The following SIRT3 variants were observed in gnomAD, a reference collection of about 807,000 sequenced individuals.
SIRT3 encodes the protein sirtuin 3.
In SIRT3, 26 loss-of-function variants were observed where a neutral mutation model predicts 33.5. The observed-to-expected ratio is 0.78, with a 90% confidence interval of 0.57 to 1.08. The LOEUF is 1.08. Ranked by LOEUF, SIRT3 falls within the 50% of genes least tolerant of loss-of-function variation. The pLI is 0.00. For missense variants in SIRT3, 585 were observed against 530.1 expected (o/e 1.10, Z -1.02); for synonymous variants, 237 against 222.1 (o/e 1.07, Z -0.60).
At chr11:224,056 C>T (rs761925596) in intron 5 of SIRT3, 22 bp downstream of exon 5, 1 of 1,612,326 alleles carries the variant, frequency 6.2e-7, no homozygotes, top group Admixed American at 1.7e-5. Flanking sequence ...AGCCTCCTCC[C>T]TGCACAGGCC....
rs201651346 is a variant in SIRT3 at position 233,189 on chromosome 11, T to A, written c.500A>T (p.Asn167Ile). ...FRSPGSGLYS[N>I]LQQYDLPYPE... is the part of the protein sequence containing the mutation. Reference sequence around the variant, plus strand: ...GTACGGGAGATCGTACTGCTGGAGGTTGCTGTACAGGCCACTCCCCGGCGA... The same window carrying A: ...GTACGGGAGATCGTACTGCTGGAGGATGCTGTACAGGCCACTCCCCGGCGA... The change falls in exon 3 of 7, where the codon AAC becomes ATC. Residue 167 changes from asparagine to isoleucine, a missense_variant. Physicochemically the swap from Asn to Ile is moderately radical, Grantham distance 149 (BLOSUM62 -3). Coordinates refer to ENST00000382743, the MANE Select transcript of SIRT3 (RefSeq NM_012239.6). 1.2e-5 allele frequency: 20 copies of A among 1,613,562 alleles called. No homozygotes were observed. The highest frequency in any genetic ancestry group is 1.6e-5 in the Non-Finnish European group (19 of 1,179,900).
At chr11:235,943 C>T in intron 1 of SIRT3, 105 bp downstream of exon 1, 1 of 1,298,458 alleles carries the variant, frequency 7.7e-7, no homozygotes, top group Non-Finnish European at 1.0e-6. Context: ...TTGGAACGCA[C>T]GTAAACTCCC....
intron 6 of SIRT3, 36 bp downstream of exon 6, chr11:218,796 G>T (rs1399565628): frequency 6.2e-7 from 1 of 1,613,964 alleles, no homozygotes; most frequent in Admixed American, 1.7e-5. Flanking sequence ...AGTGAGAAGG[G>T]CAGCCCCTTG....
chr11:221,264 A>C (rs1856406236), intron 5 of SIRT3, among the ~76,000 whole-genome samples: 1 of 152,242 alleles, frequency 6.6e-6, no homozygotes, highest in Admixed American at 6.5e-5. Flanking sequence ...AACTACACAG[A>C]CCATGCCTGG....
chr11:227,061 A>C (rs1273303558), intron 4 of SIRT3, among the ~76,000 whole-genome samples: 1 of 151,896 alleles, frequency 6.6e-6, no homozygotes, highest in African/African-American at 2.4e-5. Context: ...TGGCCTACAA[A>C]TTTTAAGCAG....
chr11:226,484 C>T (rs1191990532), intron 4 of SIRT3, among the ~76,000 whole-genome samples: 1 of 152,146 alleles, frequency 6.6e-6, no homozygotes, highest in Non-Finnish European at 1.5e-5. Context: ...TCTCGGTTCA[C>T]TACAACTTCT....
At position 226,748 on chromosome 11, in the gene SIRT3, A is replaced by ATTTTTTTTTTTT. The variant is rs1338857472; in HGVS notation, c.808-2510_808-2509insAAAAAAAAAAAA. On this transcript the variant is annotated intron_variant, in intron 4 of 6. Transcript: ENST00000382743. ...TTTTTCTTAAGGAAGGCCTACAATT[A>ATTTTTTTTTTTT]TTATTATTATTTTTTTTTTTTTGAG... 2.4e-5 allele frequency among the ~76,000 whole-genome samples: 2 copies of ATTTTTTTTTTTT among 84,622 alleles called. 1 individual carries two copies. The allele number at this position is 84,622 out of a possible 152,430, so 55.5% of individuals were successfully genotyped here.
chr11:235,489 G>A (rs923396922), intron 1 of SIRT3, among the ~76,000 whole-genome samples: 4 of 152,210 alleles, frequency 2.6e-5, no homozygotes, highest in African/African-American at 9.6e-5. Context: ...ACAAGTGTGA[G>A]CTACCACTTC....
At chr11:225,273 G>T (rs1004708262) in intron 4 of SIRT3, among the ~76,000 whole-genome samples, 1 of 152,058 alleles carries the variant, frequency 6.6e-6, no homozygotes, top group Non-Finnish European at 1.5e-5. Flanking sequence ...TTAGCCAGGC[G>T]TGGTGATGCG....
intron 3 of SIRT3, among the ~76,000 whole-genome samples, chr11:232,120 T>G (rs1858125638): frequency 1.3e-5 from 2 of 151,944 alleles, no homozygotes; most frequent in Non-Finnish European, 2.9e-5. Flanking sequence ...TTATTTTTAT[T>G]TTTATTTATT....
rs370416759 is a variant in SIRT3 at position 226,787 on chromosome 11, CTT to C, written c.808-2550_808-2549del. ...TTTTTTTTTGAGATGGAGTTTCGCT[CTT>C]GTTTCCCAGGCTGGAGTGCAATGGC... On this transcript the variant is annotated intron_variant, in intron 4 of 6. Transcript: ENST00000382743. Among the ~76,000 whole-genome samples the C allele has an allele frequency of 1.9e-3, 252 of 134,450 alleles. 1 individual carries two copies. Among genetic ancestry groups the C allele is most frequent in the African/African-American group, 6.5e-3 (239 of 36,716 alleles). The allele number at this position is 134,450 out of a possible 152,430, so 88.2% of individuals were successfully genotyped here. A position where few individuals can be genotyped will look rare whatever the true frequency, so the allele number is the denominator to read the frequency against.
chr11:233,094 G>C lies in SIRT3; in HGVS notation c.595C>G (p.Leu199Val). The C allele has an allele frequency of 1.9e-6, 3 of 1,614,184 alleles. No individual in the cohort carries two copies. Among genetic ancestry groups the C allele is most frequent in the South Asian group, 1.1e-5 (1 of 91,078 alleles). ...PKPFFTLAKE[L>V]YPGNYKPNVT... is the part of the protein sequence containing the mutation. The stretch of plus-strand genomic sequence containing the variant: ...TTGGGCTTGTAGTTTCCAGGGTACA[G>C]CTCCTTGGCCAAAGTGAAAAAGGGC... The change falls in exon 3 of 7, where the codon CTG (leucine) becomes GTG (valine). Residue 199 changes from leucine (L) to valine (V), a missense_variant. Transcript: ENST00000382743.
In SIRT3 at chr11:216,659, TC is replaced by T; in HGVS notation, c.*38del. On this transcript the variant is annotated 3_prime_UTR_variant, in exon 7 of 7. Coordinates refer to ENST00000382743, the MANE Select transcript of SIRT3 (RefSeq NM_012239.6). ...TTGTCAGAATTGGGATGTGGATGTC[TC>T]CTATGTTACCATTTATTGTGTGGGG... is the stretch of plus-strand genomic sequence containing the variant. 6.2e-7 allele frequency: 1 copy of T among 1,612,974 alleles called. No homozygotes were observed. The highest frequency in any genetic ancestry group is 1.3e-5 in the African/African-American group (1 of 75,006).
chr11:233,091 A>G lies in SIRT3; in HGVS notation c.598T>C (p.Tyr200His). ...KPFFTLAKEL[Y>H]PGNYKPNVTH... is the part of the protein sequence containing the mutation. ...ACGTTGGGCTTGTAGTTTCCAGGGT[A>G]CAGCTCCTTGGCCAAAGTGAAAAAG... Residue 200 changes from tyrosine to histidine, a missense_variant, in exon 3 of 7, where the codon TAC becomes CAC. By Grantham distance (83) the Tyr-to-His change is moderately conservative. Coordinates refer to ENST00000382743, the MANE Select transcript of SIRT3 (RefSeq NM_012239.6). 1.2e-6 allele frequency: 2 copies of G among 1,614,190 alleles called. No homozygotes were observed. Among genetic ancestry groups the G allele is most frequent in the South Asian group, 1.1e-5 (1 of 91,080 alleles).
rs774781910 is a variant in SIRT3, at chr11:233,508, G to C, written c.308C>G (p.Ser103Cys). The C allele has an allele frequency of 1.7e-5, 27 of 1,613,972 alleles. No homozygotes were observed. The highest frequency in any genetic ancestry group is 1.9e-5 in the Non-Finnish European group (23 of 1,180,032). The change falls in exon 2 of 7, where the codon TCT (serine) becomes TGT (cysteine). Residue 103 changes from serine to cysteine, a missense_variant. Physicochemically the swap from Ser to Cys is moderately radical, Grantham distance 112. Coordinates refer to ENST00000382743, the MANE Select transcript of SIRT3 (RefSeq NM_012239.6). ...AACACTTGAAGCACCCACAGAAAAAGATATGGACCTTCTTCCACCTTTAAT... is the reference window on the plus strand; with the variant it reads ...AACACTTGAAGCACCCACAGAAAAACATATGGACCTTCTTCCACCTTTAAT... ...SSIKGGRRSI[S>C]FSVGASSVVG... is the part of the protein sequence containing the mutation.
intron 3 of SIRT3, among the ~76,000 whole-genome samples, chr11:232,672 AAAG>A (rs1381234102): frequency 6.6e-6 from 1 of 152,156 alleles, no homozygotes; most frequent in East Asian, 1.9e-4. Flanking sequence ...GAGAAGAAAA[AAAG>A]AGATCATCAC....
upstream of SIRT3, chr11:236,352 T>C (rs777457077): frequency 6.6e-6 from 8 of 1,221,052 alleles, no homozygotes; most frequent in Non-Finnish European, 6.1e-6. Context: ...CAAGGAGTCC[T>C]CCGGACTCGC....
At chr11:216,850 T>G (rs1461546723) in intron 6 of SIRT3, 132 bp from the exon 7 acceptor site, 18 of 964,598 alleles carry the variant, frequency 1.9e-5, no homozygotes, top group Non-Finnish European at 1.7e-6. Flanking sequence ...CTGCAAATAC[T>G]GCTGCTGCTG....
At chr11:235,787 A>C (rs1858946724) in intron 1 of SIRT3, among the ~76,000 whole-genome samples, 1 of 152,220 alleles carries the variant, frequency 6.6e-6, no homozygotes, top group Non-Finnish European at 1.5e-5. Context: ...TTATGCAAAC[A>C]GTGAGGTGCC....
Sources: allele counts gnomAD v4.1 joint callset (sites outside exome capture counted in the v4.1 genomes callset), GRCh38; gene constraint gnomAD v4.1.1; transcripts MANE v1.5; gene names NCBI Gene and HGNC (gene_info 2026-07-23, HGNC 2026-07-21).